EBF1: variants seen among roughly 807,000 people sequenced by gnomAD.
The protein encoded by EBF1 is transcription factor COE1.
EBF1 carries 10 observed loss-of-function variants against 68.4 expected under a neutral mutation model. The observed-to-expected ratio is 0.15, with a 90% CI of 0.09 to 0.25. The LOEUF (loss-of-function observed/expected upper bound fraction) is 0.25. Among genes scored for constraint, EBF1 ranks in the 10% least tolerant of loss-of-function variants. The pLI is 1.00. For missense variants in EBF1, 509 were observed against 794.4 expected (o/e 0.64, Z 4.32); for synonymous variants, 298 against 299.8 (o/e 0.99, Z 0.06).
chr5:158,873,377 T>A (rs1797242746), intron 6 of EBF1, among the ~76,000 whole-genome samples: 1 of 152,208 alleles, frequency 6.6e-6, no homozygotes, highest in Non-Finnish European at 1.5e-5. Context: ...CTAGAGTGAT[T>A]CGCCACATTT....
In EBF1 at chr5:158,731,340, C is replaced by T. The variant is rs533890731; in HGVS notation, c.1037-183G>A. Among the ~76,000 whole-genome samples, 50 of 152,260 alleles carry T rather than the reference C, an allele frequency of 3.3e-4. No homozygotes were observed. The South Asian group carries it at 8.3e-3, about 25-fold the overall frequency. ...ACTTTCCACCATCTGCTTTATACCACGGTGGGGAGTGACCCGCCCAAAAGA... is the reference window on the plus strand; with the variant it reads ...ACTTTCCACCATCTGCTTTATACCATGGTGGGGAGTGACCCGCCCAAAAGA... On this transcript the variant is annotated intron_variant, in intron 10 of 15. Coordinates refer to ENST00000313708, the MANE Select transcript of EBF1 (RefSeq NM_024007.5).
chr5:158,941,717 T>A (rs904091263), intron 6 of EBF1, among the ~76,000 whole-genome samples: 1 of 152,164 alleles, frequency 6.6e-6, no homozygotes, highest in Non-Finnish European at 1.5e-5. Flanking sequence ...GCTTTCTCAG[T>A]CCACACCCCT....
Position 159,019,669 on chromosome 5 carries a change from C to T in EBF1, c.554+53727G>A, listed in dbSNP as rs150874076. Among the ~76,000 whole-genome samples, 270 of 152,292 alleles carry T rather than the reference C, an allele frequency of 1.8e-3. 6 individuals carry two copies. The South Asian group carries it at 0.023, about 13-fold the overall frequency. ...AGATTGCAAAGATTCTCTGCTTTATCGCAAAATTCAAGAAGAGGTTTCTCA... is the reference window on the plus strand; with the variant it reads ...AGATTGCAAAGATTCTCTGCTTTATTGCAAAATTCAAGAAGAGGTTTCTCA... On this transcript the variant is annotated intron_variant, in intron 6 of 15. Transcript: ENST00000313708.
At chr5:159,093,470 C>T (rs573791879) in intron 4 of EBF1, among the ~76,000 whole-genome samples, 4 of 152,194 alleles carry the variant, frequency 2.6e-5, no homozygotes, top group Non-Finnish European at 4.4e-5. Flanking sequence ...GTGCTATTAT[C>T]GAAAATAAAA....
At chr5:159,099,275 GCTGCC>G in intron 1 of EBF1, 65 bp downstream of exon 1, 1 of 1,283,292 alleles carries the variant, frequency 7.8e-7, no homozygotes, top group Non-Finnish European at 1.0e-6. Context: ...TGCCGCTGCC[GCTGCC>G]GCCTCCGCCT....
chr5:159,040,417 C>T (rs1770956636), intron 6 of EBF1, among the ~76,000 whole-genome samples: 1 of 152,178 alleles, frequency 6.6e-6, no homozygotes, highest in African/African-American at 2.4e-5. Context: ...GTTTTCCTTC[C>T]CTTTTTCTTC....
intron 8 of EBF1, among the ~76,000 whole-genome samples, chr5:158,816,909 T>A (rs1223279649): frequency 6.6e-6 from 1 of 152,198 alleles, no homozygotes; most frequent in African/African-American, 2.4e-5. Context: ...GCCAACTCCC[T>A]GGTGAGTTTC....
intron 6 of EBF1, among the ~76,000 whole-genome samples, chr5:159,068,461 T>C (rs1777235973): frequency 6.6e-6 from 1 of 152,098 alleles, no homozygotes; most frequent in Admixed American, 6.6e-5. Flanking sequence ...TGTTTTCCTA[T>C]TATACATATG....
At chr5:158,907,049 G>C (rs1448353350) in intron 6 of EBF1, among the ~76,000 whole-genome samples, 2 of 152,210 alleles carry the variant, frequency 1.3e-5, no homozygotes, top group East Asian at 3.8e-4. Flanking sequence ...GGACATCCTG[G>C]GGTTGGAACT....
At chr5:159,019,531 T>C (rs1195488194) in intron 6 of EBF1, among the ~76,000 whole-genome samples, 1 of 152,252 alleles carries the variant, frequency 6.6e-6, no homozygotes, top group Non-Finnish European at 1.5e-5. Flanking sequence ...GGTGTTTCTA[T>C]AGCAACTATA....
At chr5:158,923,159 C>T (rs995044426) in intron 6 of EBF1, among the ~76,000 whole-genome samples, 1 of 152,244 alleles carries the variant, frequency 6.6e-6, no homozygotes, top group African/African-American at 2.4e-5. Flanking sequence ...AATCAGAGAA[C>T]TGTCAGTTTA....
At chr5:159,052,792 C>G (rs189758397) in intron 6 of EBF1, among the ~76,000 whole-genome samples, 1 of 152,188 alleles carries the variant, frequency 6.6e-6, no homozygotes, top group African/African-American at 2.4e-5. Flanking sequence ...TGGCAGGAAC[C>G]CAGGGCAGGT....
intron 10 of EBF1, among the ~76,000 whole-genome samples, chr5:158,769,874 A>C (rs1012419888): frequency 2.0e-5 from 3 of 152,138 alleles, no homozygotes; most frequent in East Asian, 3.9e-4. Flanking sequence ...GCAGCCTGTG[A>C]ATTTTTCTTT....
chr5:159,049,703 G>C (rs1773147858), intron 6 of EBF1, among the ~76,000 whole-genome samples: 1 of 152,214 alleles, frequency 6.6e-6, no homozygotes, highest in Admixed American at 6.5e-5. Flanking sequence ...AGTTAAGATA[G>C]TTGGTTCTTC....
chr5:159,031,970 TA>T (rs887076430), intron 6 of EBF1, among the ~76,000 whole-genome samples: 3 of 151,990 alleles, frequency 2.0e-5, no homozygotes, highest in Non-Finnish European at 4.4e-5. Context: ...ATTTTAATGA[TA>T]AAAAAAAATT....
At chr5:158,941,055 A>G (rs1245670115) in intron 6 of EBF1, among the ~76,000 whole-genome samples, 1 of 152,154 alleles carries the variant, frequency 6.6e-6, no homozygotes, top group Non-Finnish European at 1.5e-5. Flanking sequence ...CTTAGCCTCA[A>G]GAAAAGACAA....
chr5:158,912,570 G>T (rs1481009837), intron 6 of EBF1, among the ~76,000 whole-genome samples: 1 of 152,094 alleles, frequency 6.6e-6, no homozygotes, highest in East Asian at 1.9e-4. Context: ...TGGTACAAGG[G>T]CCTGGAGATG....
intron 6 of EBF1, among the ~76,000 whole-genome samples, chr5:159,049,910 A>T (rs1337203949): frequency 6.6e-6 from 1 of 152,216 alleles, no homozygotes; most frequent in Non-Finnish European, 1.5e-5. Context: ...TCTCCGACAC[A>T]GCACAGCAAA....
chr5:158,908,397 A>G (rs912005981), intron 6 of EBF1, among the ~76,000 whole-genome samples: 4 of 152,190 alleles, frequency 2.6e-5, no homozygotes, highest in African/African-American at 9.7e-5. Flanking sequence ...AGGGGTGTCA[A>G]TAAGTTGTTA....
Sources: allele counts gnomAD v4.1 joint callset (sites outside exome capture counted in the v4.1 genomes callset), GRCh38; gene constraint gnomAD v4.1.1; transcripts MANE v1.5; gene names NCBI Gene and HGNC (gene_info 2026-07-23, HGNC 2026-07-21).